The following ABCB11 variants were observed in gnomAD, a reference collection of about 807,000 sequenced individuals.
ABCB11 encodes ATP binding cassette subfamily B member 11, also known as bile salt export pump.
In ABCB11, 95 loss-of-function variants were observed where a neutral mutation model predicts 148.0. The observed-to-expected ratio is 0.64, with a 90% CI of 0.54 to 0.76. ABCB11 has a LOEUF of 0.76. Among genes scored for constraint, ABCB11 ranks in the 30% least tolerant of loss-of-function variants. The pLI is 0.00. For synonymous variants in ABCB11, 591 were observed against 555.4 expected (o/e 1.06, Z -0.90); for missense variants, 1,523 against 1,617.8 (o/e 0.94, Z 1.01).
chr2:169,016,388 A>C (rs1455111269), intron 3 of ABCB11, among the ~76,000 whole-genome samples: 1 of 152,148 alleles, frequency 6.6e-6, no homozygotes, highest in African/African-American at 2.4e-5. Flanking sequence ...TCTATATGAG[A>C]ATTCAAAATC....
chr2:169,007,388 C>T (rs1695053883), intron 5 of ABCB11, among the ~76,000 whole-genome samples: 1 of 152,160 alleles, frequency 6.6e-6, no homozygotes, highest in Non-Finnish European at 1.5e-5. Context: ...ATTAGTTCAT[C>T]TCACACTGCT....
intron 5 of ABCB11, among the ~76,000 whole-genome samples, chr2:169,010,058 C>T (rs535483791): frequency 2.6e-4 from 39 of 152,200 alleles, no homozygotes; most frequent in Non-Finnish European, 3.7e-4. Flanking sequence ...AGTAATCAGC[C>T]TCCAAAAAGC....
At chr2:168,960,085 T>A (rs1693000146) in intron 18 of ABCB11, among the ~76,000 whole-genome samples, 1 of 151,654 alleles carries the variant, frequency 6.6e-6, no homozygotes, top group African/African-American at 2.4e-5. Flanking sequence ...TAGAGAGTGG[T>A]TGGTATCCAG....
At chr2:168,994,490 T>C (rs1234919548) in intron 7 of ABCB11, among the ~76,000 whole-genome samples, 5 of 152,084 alleles carry the variant, frequency 3.3e-5, no homozygotes, top group Non-Finnish European at 7.4e-5. Flanking sequence ...AATTTTCTTG[T>C]CTGTAAAATA....
chr2:168,977,184 A>T (rs1693948305), intron 11 of ABCB11, among the ~76,000 whole-genome samples: 1 of 149,912 alleles, frequency 6.7e-6, no homozygotes, highest in South Asian at 2.1e-4. Context: ...ATATATTACT[A>T]AGATAATATA....
chr2:168,984,065 G>C (rs1694229529), intron 10 of ABCB11, among the ~76,000 whole-genome samples: 2 of 152,118 alleles, frequency 1.3e-5, no homozygotes, highest in Non-Finnish European at 2.9e-5. Flanking sequence ...TAAAAGGCCT[G>C]ACTGGGAAAG....
chr2:168,985,422 T>C (rs995708126), intron 10 of ABCB11, among the ~76,000 whole-genome samples: 2 of 152,106 alleles, frequency 1.3e-5, no homozygotes, highest in Admixed American at 1.3e-4. Flanking sequence ...AAAGAAGTCG[T>C]TATACAAAAG....
At chr2:168,981,996 G>A (rs1694150652) in intron 10 of ABCB11, among the ~76,000 whole-genome samples, 1 of 152,136 alleles carries the variant, frequency 6.6e-6, no homozygotes, top group African/African-American at 2.4e-5. Context: ...TGGATGGGGA[G>A]GAGTGAGTGA....
At chr2:168,968,661 T>A (rs1480794537) in intron 16 of ABCB11, among the ~76,000 whole-genome samples, 171 bp from the exon 17 acceptor site, 4 of 151,832 alleles carry the variant, frequency 2.6e-5, no homozygotes, top group Admixed American at 2.6e-4. Flanking sequence ...CAGATTCTAA[T>A]AAAAAATTTC....
At chr2:168,995,316 A>G in intron 7 of ABCB11, 33 bp downstream of exon 7, 1 of 1,575,904 alleles carries the variant, frequency 6.3e-7, no homozygotes, top group Non-Finnish European at 8.6e-7. Flanking sequence ...TCCAAAAATC[A>G]CACACTAAAA....
chr2:168,982,436 G>C (rs982728957), intron 10 of ABCB11, among the ~76,000 whole-genome samples: 2 of 152,004 alleles, frequency 1.3e-5, no homozygotes, highest in African/African-American at 2.4e-5. Flanking sequence ...TGAATGTCAC[G>C]CTCCATTATG....
At chr2:169,025,039 G>A (rs938295085) in intron 1 of ABCB11, among the ~76,000 whole-genome samples, 11 of 152,070 alleles carry the variant, frequency 7.2e-5, no homozygotes, top group Admixed American at 1.3e-4. Flanking sequence ...CAAAAAAACA[G>A]AGAGACTCTT....
At chr2:168,993,689 A>G in intron 8 of ABCB11, 22 bp downstream of exon 8, 15 of 1,600,378 alleles carry the variant, frequency 9.4e-6, no homozygotes, top group Non-Finnish European at 1.3e-5. Flanking sequence ...TCCCATGGAG[A>G]GATGCAAAAA....
intron 3 of ABCB11, among the ~76,000 whole-genome samples, chr2:169,015,784 T>C (rs1695337482): frequency 6.6e-6 from 1 of 152,204 alleles, no homozygotes; most frequent in Non-Finnish European, 1.5e-5. Flanking sequence ...TTACAATGTT[T>C]ATTATATCTC....
At chr2:168,941,784 C>A (rs1362378245) in intron 21 of ABCB11, among the ~76,000 whole-genome samples, 1 of 151,996 alleles carries the variant, frequency 6.6e-6, no homozygotes, top group African/African-American at 2.4e-5. Flanking sequence ...TATTGCCAGT[C>A]TAACCTTCAG....
intron 10 of ABCB11, among the ~76,000 whole-genome samples, chr2:168,982,864 C>T (rs1694182558): frequency 6.6e-6 from 1 of 152,128 alleles, no homozygotes; most frequent in Non-Finnish European, 1.5e-5. Flanking sequence ...AGGAAATTTT[C>T]TCTTAAGATA....
chr2:168,984,711 A>G (rs1694255956), intron 10 of ABCB11, among the ~76,000 whole-genome samples: 1 of 152,134 alleles, frequency 6.6e-6, no homozygotes, highest in Admixed American at 6.6e-5. Context: ...TCATCATTTC[A>G]TAGCTATAAA....
At chr2:169,008,648 G>T (rs1189161755) in intron 5 of ABCB11, among the ~76,000 whole-genome samples, 1 of 152,208 alleles carries the variant, frequency 6.6e-6, no homozygotes, top group South Asian at 2.1e-4. Flanking sequence ...AATAACAAGT[G>T]CTGGTGAGGA....
chr2:168,945,374 TCCTCTGTGGGGCGGAAAA>T (rs1297565813), intron 19 of ABCB11, among the ~76,000 whole-genome samples: 6 of 151,900 alleles, frequency 3.9e-5, no homozygotes, highest in Non-Finnish European at 8.8e-5. Flanking sequence ...TGTACTACAG[TCCTCTGTGGGGCGGAAAA>T]CCTGGTGAAT....
Sources: gnomAD v4.1 joint callset for allele counts (sites outside exome capture counted in the v4.1 genomes callset) on GRCh38, gnomAD v4.1.1 for gene constraint, MANE v1.5 for transcripts, NCBI Gene and HGNC (gene_info 2026-07-23, HGNC 2026-07-21) for gene names.